MED27: variants seen among roughly 807,000 people sequenced by gnomAD.
MED27 encodes mediator of RNA polymerase II transcription subunit 27.
MED27 carries 30 observed loss-of-function variants against 38.2 expected under a neutral mutation model. The observed-to-expected ratio is 0.79, with a 90% CI of 0.59 to 1.07. The LOEUF (loss-of-function observed/expected upper bound fraction) is 1.07, where lower values mean the gene tolerates loss of function less well. Ranked by LOEUF, MED27 falls within the 50% of genes least tolerant of loss-of-function variation. The probability of loss-of-function intolerance (pLI) is 0.00; values close to 1 mark genes in which losing one functional copy is unlikely to be tolerated. For synonymous variants in MED27, 122 were observed against 153.5 expected (o/e 0.79, Z 1.52); for missense variants, 289 against 397.5 (o/e 0.73, Z 2.32).
rs1028384090 is a variant in MED27, at chr9:131,889,822, C to T, written c.681+4063G>A. ...GACAACCGCAGAGGCAGAAGTTAAG[C>T]CCATAGGAGGCTTCCTGAGCCACAC... On this transcript the variant is annotated intron_variant, in intron 5 of 7. Coordinates refer to ENST00000292035, the MANE Select transcript of MED27 (RefSeq NM_004269.4). This position sits in a 1 kb window ranked among gnomAD's most constrained non-coding sequence, Gnocchi z 4.2. 9.2e-5 allele frequency among the ~76,000 whole-genome samples: 14 copies of T among 152,164 alleles called. No homozygotes were observed. Among genetic ancestry groups the T allele is most frequent in the African/African-American group, 3.4e-4 (14 of 41,422 alleles).
intron 4 of MED27, among the ~76,000 whole-genome samples, chr9:131,908,397 C>T (rs751555753): frequency 4.6e-5 from 7 of 152,340 alleles, no homozygotes; most frequent in Non-Finnish European, 1.0e-4. Context: ...TCATTGAGAA[C>T]GGGCCAGCAT....
intron 5 of MED27, among the ~76,000 whole-genome samples, chr9:131,890,482 C>T (rs942228568): frequency 2.0e-5 from 3 of 152,216 alleles, no homozygotes; most frequent in Non-Finnish European, 4.4e-5. Context: ...TGAGGTCTCC[C>T]TTTACTCGTG....
chr9:131,882,892 A>G (rs1330681365), intron 6 of MED27, among the ~76,000 whole-genome samples: 2 of 151,570 alleles, frequency 1.3e-5, no homozygotes, highest in African/African-American at 4.8e-5. Flanking sequence ...GGCACAGAGC[A>G]AAGGGGCTCA....
intron 3 of MED27, among the ~76,000 whole-genome samples, chr9:132,007,218 C>G (rs1832377017): frequency 1.3e-5 from 2 of 152,176 alleles, no homozygotes; most frequent in Non-Finnish European, 2.9e-5. Flanking sequence ...CTTATTGTTA[C>G]TCAAACCTGA....
At position 132,008,694 on chromosome 9, in the gene MED27, G is replaced by A. The variant is rs529601158; in HGVS notation, c.479+5643C>T. On this transcript the variant is annotated intron_variant, in intron 3 of 7. Coordinates refer to ENST00000292035, the MANE Select transcript of MED27 (RefSeq NM_004269.4). ...TACACAGCTCCTGCATTCCTGCCAC[G>A]CCTGTGCTCTCTGCACAGTTGGGCA... Among the ~76,000 whole-genome samples, 89 of 152,262 alleles carry A rather than the reference G, an allele frequency of 5.8e-4. No homozygotes were observed. The South Asian group carries it at 0.017, about 29-fold the overall frequency.
At position 132,032,907 on chromosome 9, in the gene MED27, A is replaced by C. The variant is rs192663480; in HGVS notation, c.349-18440T>G. Among the ~76,000 whole-genome samples the C allele has an allele frequency of 5.1e-3, 780 of 152,360 alleles. 2 individuals carry two copies. Among genetic ancestry groups the C allele is most frequent in the Non-Finnish European group, 8.7e-3 (592 of 68,038 alleles). The stretch of plus-strand genomic sequence containing the variant: ...ATAATAAATTGTCTGAGTGTGAATA[A>C]GCATTTCAAAAGGCTTCCTGCTTTG... On this transcript the variant is annotated intron_variant, in intron 2 of 7. Transcript: ENST00000292035.
At chr9:132,017,197 T>C (rs1832622716) in intron 2 of MED27, among the ~76,000 whole-genome samples, 1 of 152,202 alleles carries the variant, frequency 6.6e-6, no homozygotes, top group South Asian at 2.1e-4. Context: ...CCTGTCCAAC[T>C]GGATTATACA....
At chr9:131,924,992 T>C (rs1288700243) in intron 4 of MED27, among the ~76,000 whole-genome samples, 1 of 152,200 alleles carries the variant, frequency 6.6e-6, no homozygotes, top group African/African-American at 2.4e-5. Flanking sequence ...TTTATTTAGG[T>C]CTACATTTTT....
At chr9:131,993,609 C>A (rs994661900) in intron 3 of MED27, among the ~76,000 whole-genome samples, 1 of 152,188 alleles carries the variant, frequency 6.6e-6, no homozygotes, top group Non-Finnish European at 1.5e-5. Flanking sequence ...ATAAATGGAG[C>A]CCTGGCCAAG....
chr9:131,963,560 A>G (rs1831262766), intron 3 of MED27, among the ~76,000 whole-genome samples: 1 of 152,178 alleles, frequency 6.6e-6, no homozygotes, highest in Non-Finnish European at 1.5e-5. Context: ...CCACTGCTGG[A>G]GAATGTGCCC....
In MED27 at chr9:131,987,211, T is replaced by C. The variant is rs560351073; in HGVS notation, c.479+27126A>G. ...AAGAGGTTAAGTCCCTTCCTGTGAC[T>C]GACTAATGCTGGTGCATCTTTTACT... On this transcript the variant is annotated intron_variant, in intron 3 of 7. Coordinates refer to ENST00000292035, the MANE Select transcript of MED27 (RefSeq NM_004269.4). Among the ~76,000 whole-genome samples the C allele has an allele frequency of 6.5e-4, 99 of 152,230 alleles. No homozygotes were observed. In the Middle Eastern group the frequency reaches 0.01, roughly 16 times the overall value.
At chr9:131,989,635 T>C (rs1831928134) in intron 3 of MED27, among the ~76,000 whole-genome samples, 1 of 152,206 alleles carries the variant, frequency 6.6e-6, no homozygotes, top group African/African-American at 2.4e-5. Flanking sequence ...CCAGTTGTAT[T>C]ATTTTTAATT....
intron 2 of MED27, among the ~76,000 whole-genome samples, chr9:132,041,175 C>T (rs1833201624): frequency 6.6e-6 from 1 of 152,174 alleles, no homozygotes; most frequent in African/African-American, 2.4e-5. Flanking sequence ...CCTCTGTGTC[C>T]CTCAGCACCT....
intron 5 of MED27, among the ~76,000 whole-genome samples, chr9:131,887,635 C>G (rs1482125206): frequency 1.3e-5 from 2 of 152,210 alleles, no homozygotes; most frequent in Non-Finnish European, 2.9e-5. Flanking sequence ...AGCTTATTTA[C>G]TGCAGAGGCA....
intron 4 of MED27, among the ~76,000 whole-genome samples, chr9:131,921,791 G>T (rs1830396356): frequency 6.6e-6 from 1 of 152,156 alleles, no homozygotes; most frequent in Admixed American, 6.5e-5. Flanking sequence ...TCCAACGATA[G>T]ACTGGATTAA....
intron 4 of MED27, among the ~76,000 whole-genome samples, chr9:131,921,196 G>A (rs552988094): frequency 2.0e-5 from 3 of 152,140 alleles, no homozygotes; most frequent in African/African-American, 4.8e-5. Flanking sequence ...AAGAATTCCC[G>A]TACACCCTTC....
At chr9:131,947,477 T>G (rs1830907643) in intron 3 of MED27, among the ~76,000 whole-genome samples, 2 of 152,208 alleles carry the variant, frequency 1.3e-5, no homozygotes, top group Non-Finnish European at 2.9e-5. Flanking sequence ...AGTACAAAGA[T>G]GCACGCTACC....
intron 4 of MED27, among the ~76,000 whole-genome samples, chr9:131,922,096 C>A (rs1830402825): frequency 6.6e-6 from 1 of 151,670 alleles, no homozygotes; most frequent in African/African-American, 2.4e-5. Context: ...GGATGCAGCA[C>A]ACCAGTGTGG....
At chr9:132,004,153 G>A (rs376948800) in intron 3 of MED27, among the ~76,000 whole-genome samples, 1 of 152,182 alleles carries the variant, frequency 6.6e-6, no homozygotes, top group Non-Finnish European at 1.5e-5. Context: ...AAAGTGTTCC[G>A]TCCCTGACAG....
Sources: allele counts gnomAD v4.1 joint callset (sites outside exome capture counted in the v4.1 genomes callset), GRCh38; gene constraint gnomAD v4.1.1; non-coding constraint Gnocchi (gnomAD v3.1); transcripts MANE v1.5; gene names NCBI Gene and HGNC (gene_info 2026-07-23, HGNC 2026-07-21).